Variants in PAPPA observed in about 807,000 individuals in gnomAD.
PAPPA encodes pappalysin 1.
A neutral mutation model predicts 164.0 loss-of-function variants in PAPPA; 60 were observed. That is an observed-to-expected ratio of 0.37 (90% CI 0.30 to 0.45). The LOEUF is 0.45. Ranked by LOEUF, PAPPA falls within the 20% of genes least tolerant of loss-of-function variation. The pLI is 1.00. For synonymous variants in PAPPA, 875 were observed against 814.1 expected, an observed-to-expected ratio of 1.07 and a Z score of -1.27; for missense variants, 1,782 against 2,087.3, an observed-to-expected ratio of 0.85 and a Z score of 2.85.
At chr9:116,332,589 T>G (rs1846008710) in intron 12 of PAPPA, 121 bp downstream of exon 12, 1 of 924,182 alleles carries the variant, frequency 1.1e-6, no homozygotes, top group East Asian at 2.5e-5. Flanking sequence ...TTCTTGCTTC[T>G]TTTCTATTTG....
chr9:116,339,466 C>A (rs1295285740), intron 13 of PAPPA, among the ~76,000 whole-genome samples: 1 of 152,128 alleles, frequency 6.6e-6, no homozygotes, highest in African/African-American at 2.4e-5. Flanking sequence ...CCTAGAAATC[C>A]AGGGTAAAGA....
At chr9:116,170,291 T>G (rs1470946404) in intron 1 of PAPPA, among the ~76,000 whole-genome samples, 1 of 152,194 alleles carries the variant, frequency 6.6e-6, no homozygotes. Flanking sequence ...ACTGAGCAAT[T>G]GCACTTTCCT....
intron 10 of PAPPA, among the ~76,000 whole-genome samples, chr9:116,309,553 C>T (rs1397090113): frequency 2.0e-5 from 3 of 152,178 alleles, no homozygotes; most frequent in Middle Eastern, 3.4e-3. Flanking sequence ...AGGAAGTGCT[C>T]AGAGAGGCGG....
rs144678054 is a variant in PAPPA, at chr9:116,187,852, C to T, written c.1114C>T (p.Arg372Cys). The T allele has an allele frequency of 4.3e-5, 70 of 1,614,200 alleles. No homozygotes were observed. The highest frequency in any genetic ancestry group is 3.8e-4 in the East Asian group (17 of 44,890). ...EDDHKNPTVT[R>C]EQVDFQHHQL... ...TGATCATAAGAACCCGACGGTGACG[C>T]GCGAGCAGGTGGACTTCCAGCACCA... The change falls in exon 2 of 22, where the codon CGC becomes TGC. Residue 372 changes from arginine (R) to cysteine (C), a missense_variant. Arg to Cys is a radical substitution (Grantham distance 180). This residue lies in a region of PAPPA where 1,324 missense variants were observed against 1,656.9 expected (regional missense o/e 0.80). Transcript: ENST00000328252. This position sits in a 1 kb window ranked among gnomAD's most constrained non-coding sequence, Gnocchi z 4.2.
At chr9:116,260,792 A>G (rs1031706937) in intron 7 of PAPPA, among the ~76,000 whole-genome samples, 4 of 152,244 alleles carry the variant, frequency 2.6e-5, no homozygotes, top group Admixed American at 6.5e-5. Context: ...TCCATGGTCA[A>G]TGAGTCAACG....
intron 12 of PAPPA, among the ~76,000 whole-genome samples, chr9:116,334,454 G>T (rs16933440): frequency 0.017 from 2,558 of 152,160 alleles, 56 homozygotes; most frequent in African/African-American, 0.048. Flanking sequence ...CCTGGGAAGC[G>T]CCTGTTGCTA....
chr9:116,372,606 C>G (rs921859266), intron 19 of PAPPA, among the ~76,000 whole-genome samples: 11 of 152,024 alleles, frequency 7.2e-5, no homozygotes, highest in African/African-American at 2.7e-4. Context: ...TGTCCCTTGC[C>G]CAGGGATGCT....
chr9:116,383,985 G>A (rs1035040824), intron 21 of PAPPA, among the ~76,000 whole-genome samples: 1 of 152,064 alleles, frequency 6.6e-6, no homozygotes, highest in Non-Finnish European at 1.5e-5. Flanking sequence ...GAAAACCACT[G>A]CTTTTTATTT....
chr9:116,184,052 G>A (rs10983076), intron 1 of PAPPA, among the ~76,000 whole-genome samples: 4 of 152,188 alleles, frequency 2.6e-5, no homozygotes, highest in Non-Finnish European at 5.9e-5. Context: ...AGGGAAAAAG[G>A]ATCTTGTTTT....
chr9:116,195,598 G>A (rs2118648288), intron 2 of PAPPA, among the ~76,000 whole-genome samples: 1 of 152,332 alleles, frequency 6.6e-6, no homozygotes. Context: ...GCATTGGGTG[G>A]TTTAGAGGAT....
At chr9:116,168,250 A>G (rs1293644017) in intron 1 of PAPPA, among the ~76,000 whole-genome samples, 1 of 152,192 alleles carries the variant, frequency 6.6e-6, no homozygotes, top group Non-Finnish European at 1.5e-5. Context: ...CTTCTTTCTA[A>G]CCATTCACCC....
intron 10 of PAPPA, among the ~76,000 whole-genome samples, chr9:116,305,210 T>C (rs1237534008): frequency 6.8e-6 from 1 of 146,540 alleles, no homozygotes; most frequent in Non-Finnish European, 1.5e-5. Context: ...AGGCTATTCC[T>C]GAAGTGTAAA....
chr9:116,297,546 A>AAAG (rs1240506439), intron 9 of PAPPA, among the ~76,000 whole-genome samples: 1 of 152,228 alleles, frequency 6.6e-6, no homozygotes, highest in Non-Finnish European at 1.5e-5. Flanking sequence ...ATAAATTCCC[A>AAAG]AAGTTTCTAA....
At chr9:116,244,519 C>G (rs1053504099) in intron 7 of PAPPA, among the ~76,000 whole-genome samples, 1 of 152,050 alleles carries the variant, frequency 6.6e-6, no homozygotes, top group Non-Finnish European at 1.5e-5. Context: ...AATAATAGTA[C>G]ACACAAAATT....
At chr9:116,254,238 A>T (rs896009277) in intron 7 of PAPPA, among the ~76,000 whole-genome samples, 1 of 152,210 alleles carries the variant, frequency 6.6e-6, no homozygotes, top group Non-Finnish European at 1.5e-5. Flanking sequence ...TAATGTGTTC[A>T]TCTTTGCATC....
chr9:116,210,272 A>G (rs187766352), intron 3 of PAPPA, among the ~76,000 whole-genome samples: 6 of 152,304 alleles, frequency 3.9e-5, no homozygotes, highest in Non-Finnish European at 8.8e-5. Context: ...TCAGAAATTC[A>G]ATCTCTGAAA....
In PAPPA at chr9:116,234,094, G is replaced by A. The variant is rs562888601; in HGVS notation, c.2234-1045G>A. On this transcript the variant is annotated intron_variant, in intron 6 of 21. Transcript: ENST00000328252. ...CTTGAGGTCCTTCATCTTACCATCCGGTCTGTCTCTCTCATGAGGCTCCCT... is the reference window on the plus strand; with the variant it reads ...CTTGAGGTCCTTCATCTTACCATCCAGTCTGTCTCTCTCATGAGGCTCCCT... Among the ~76,000 whole-genome samples, 7 of 152,082 alleles carry A rather than the reference G, an allele frequency of 4.6e-5. No individual in the cohort carries two copies. The South Asian group carries it at 1.0e-3, about 23-fold the overall frequency.
At chr9:116,309,671 G>A (rs1037197554) in intron 10 of PAPPA, among the ~76,000 whole-genome samples, 1 of 152,002 alleles carries the variant, frequency 6.6e-6, no homozygotes, top group Non-Finnish European at 1.5e-5. Flanking sequence ...CATAATGGGG[G>A]CTGCGAGGGG....
At chr9:116,340,473 T>C (rs1039644830) in intron 13 of PAPPA, among the ~76,000 whole-genome samples, 9 of 152,258 alleles carry the variant, frequency 5.9e-5, no homozygotes, top group African/African-American at 2.2e-4. Flanking sequence ...AGTCCTAGTT[T>C]CCTGTTCTTG....
Sources: gnomAD v4.1 joint callset for allele counts (sites outside exome capture counted in the v4.1 genomes callset) on GRCh38, gnomAD v4.1.1 for gene constraint, gnomAD v4.1.1 regional missense constraint, Gnocchi (gnomAD v3.1) non-coding constraint, MANE v1.5 for transcripts, NCBI Gene and HGNC (gene_info 2026-07-23, HGNC 2026-07-21) for gene names.